OSBPL6: variants seen among roughly 807,000 people sequenced by gnomAD.
OSBPL6 encodes oxysterol binding protein like 6.
Under a neutral mutation model 125.8 loss-of-function variants are expected in OSBPL6, and 49 were observed. That is an observed-to-expected ratio of 0.39 (90% CI 0.31 to 0.49). The LOEUF is 0.49. Among genes scored for constraint, OSBPL6 ranks in the 20% least tolerant of loss-of-function variants. The pLI is 0.88. For synonymous variants in OSBPL6, 394 were observed against 391.8 expected (o/e 1.01, Z -0.07); for missense variants, 986 against 1,135.4 (o/e 0.87, Z 1.89).
intron 1 of OSBPL6, among the ~76,000 whole-genome samples, chr2:178,263,215 A>T (rs576796167): frequency 2.0e-5 from 3 of 152,360 alleles, no homozygotes; most frequent in African/African-American, 7.2e-5. Flanking sequence ...GCAGTGGCTC[A>T]CGCCTGTAAT....
In OSBPL6 at chr2:178,227,405, T is replaced by C. The variant is rs561116819; in HGVS notation, c.-351+32731T>C. On this transcript the variant is annotated intron_variant, in intron 1 of 24. Coordinates refer to ENST00000190611, the MANE Select transcript of OSBPL6 (RefSeq NM_032523.4). ...ATAGTTCTGGCATTATGTCATAGAATTGACCAGTCACATTTCCTGCAACTC... is the reference window on the plus strand; with the variant it reads ...ATAGTTCTGGCATTATGTCATAGAACTGACCAGTCACATTTCCTGCAACTC... Among the ~76,000 whole-genome samples the C allele has an allele frequency of 7.9e-5, 12 of 152,352 alleles. No homozygotes were observed. The South Asian group carries it at 2.5e-3, about 32-fold the overall frequency.
intron 2 of OSBPL6, among the ~76,000 whole-genome samples, chr2:178,288,028 G>T (rs1222673705): frequency 1.3e-5 from 2 of 151,970 alleles, no homozygotes; most frequent in African/African-American, 2.4e-5. Flanking sequence ...AAAAGTGGAA[G>T]AGGAGAAAGA....
chr2:178,200,247 CT>C (rs767677596), intron 1 of OSBPL6, among the ~76,000 whole-genome samples: 1,591 of 109,702 alleles, frequency 0.015, 15 homozygotes, highest in African/African-American at 0.055. Context: ...TTCTTCAGAC[CT>C]TTTTTTTTTT....
intron 13 of OSBPL6, among the ~76,000 whole-genome samples, chr2:178,369,092 C>A (rs1693134099): frequency 6.6e-6 from 1 of 152,192 alleles, no homozygotes; most frequent in Non-Finnish European, 1.5e-5. Context: ...CCACCACACC[C>A]AGCCTTCATC....
intron 8 of OSBPL6, among the ~76,000 whole-genome samples, chr2:178,334,079 A>G (rs1245982744): frequency 6.6e-6 from 1 of 152,190 alleles, no homozygotes; most frequent in Admixed American, 6.5e-5. Flanking sequence ...TGTGTTGATG[A>G]AAAGCAAGAG....
At chr2:178,386,293 T>C in intron 19 of OSBPL6, among the ~76,000 whole-genome samples, 1 of 152,204 alleles carries the variant, frequency 6.6e-6, no homozygotes, top group East Asian at 1.9e-4. Flanking sequence ...GTTCCCATAG[T>C]TCATCAAAAT....
chr2:178,201,251 T>C lies in OSBPL6; in HGVS notation c.-351+6577T>C, dbSNP rs79507806. Reference sequence around the variant, plus strand: ...GGCAATGTTGGGAGTTAGCAGTTTGTAGGCATCTGATTTTCATAGAAGCAA... The same window carrying C: ...GGCAATGTTGGGAGTTAGCAGTTTGCAGGCATCTGATTTTCATAGAAGCAA... On this transcript the variant is annotated intron_variant, in intron 1 of 24. Transcript: ENST00000190611. Among the ~76,000 whole-genome samples the C allele has an allele frequency of 8.6e-3, 1,311 of 152,344 alleles. 31 individuals are homozygous for C. Among genetic ancestry groups the C allele is most frequent in the East Asian group, 0.077 (398 of 5,192 alleles).
At chr2:178,339,260 G>A (rs1394687093) in intron 10 of OSBPL6, among the ~76,000 whole-genome samples, 166 bp downstream of exon 10, 1 of 137,496 alleles carries the variant, frequency 7.3e-6, no homozygotes, top group Non-Finnish European at 1.6e-5. Flanking sequence ...CTCAGTGTCA[G>A]TGTGTTAAGA....
chr2:178,273,280 T>C (rs1398286934), intron 1 of OSBPL6, among the ~76,000 whole-genome samples: 2 of 152,222 alleles, frequency 1.3e-5, no homozygotes, highest in Non-Finnish European at 2.9e-5. Flanking sequence ...CTTTCTCTAA[T>C]TTCAGTATTA....
chr2:178,245,298 G>A (rs1559156467), intron 1 of OSBPL6, among the ~76,000 whole-genome samples: 1 of 152,156 alleles, frequency 6.6e-6, no homozygotes, highest in Non-Finnish European at 1.5e-5. Flanking sequence ...GCAATGATTG[G>A]CAACCTTTTC....
At chr2:178,369,162 C>G (rs911925611) in intron 13 of OSBPL6, among the ~76,000 whole-genome samples, 2 of 152,022 alleles carry the variant, frequency 1.3e-5, no homozygotes, top group Admixed American at 6.6e-5. Flanking sequence ...CTCTTTTTGC[C>G]ATCAATGGAA....
At chr2:178,255,471 A>G (rs2091854488) in intron 1 of OSBPL6, among the ~76,000 whole-genome samples, 1 of 152,222 alleles carries the variant, frequency 6.6e-6, no homozygotes, top group Non-Finnish European at 1.5e-5. Context: ...GGTCTCTCCC[A>G]TGACACATGG....
rs1694723813 is a variant in OSBPL6, at chr2:178,384,052, C to T, written c.1889C>T (p.Ala630Val). 1 of 1,613,744 alleles carries T rather than the reference C, an allele frequency of 6.2e-7. No individual in the cohort carries two copies. Among genetic ancestry groups the T allele is most frequent in the Non-Finnish European group, 8.5e-7 (1 of 1,179,788 alleles). The change falls in exon 18 of 25, where the codon GCA becomes GTA. Residue 630 changes from alanine to valine, a missense_variant. By Grantham distance (64) the Ala-to-Val change is moderately conservative (BLOSUM62 0). Coordinates refer to ENST00000190611, the MANE Select transcript of OSBPL6 (RefSeq NM_032523.4). Reference protein sequence around the residue: ...DPYERMVLVAAFAVSGYCSTY... With the variant: ...DPYERMVLVAVFAVSGYCSTY... ...ATGTTTTAACAGGTTCTCGTTGCCGCATTTGCAGTTTCAGGATACTGCTCC... is the reference window on the plus strand; with the variant it reads ...ATGTTTTAACAGGTTCTCGTTGCCGTATTTGCAGTTTCAGGATACTGCTCC...
chr2:178,250,620 C>T (rs915411158), intron 1 of OSBPL6, among the ~76,000 whole-genome samples: 6 of 152,196 alleles, frequency 3.9e-5, no homozygotes, highest in Non-Finnish European at 4.4e-5. Context: ...CTCAGGGCTT[C>T]TGCACCGGCT....
chr2:178,394,313 A>C lies in OSBPL6; in HGVS notation c.2574A>C (p.Arg858Ser). 2 of 1,611,702 alleles carry C rather than the reference A, an allele frequency of 1.2e-6. No homozygotes were observed. Among genetic ancestry groups the C allele is most frequent in the Non-Finnish European group, 1.7e-6 (2 of 1,179,468 alleles). ...AAAATATCAACTGCTTTCTGCTTAG[A>C]TTTTTGGAAGAAGGAAATTTAGAAG... ...PTDARFRPDQ[R>S]FLEEGNLEAA... Residue 858 changes from arginine (R) to serine (S), a missense_variant and splice_region_variant, in exon 24 of 25, where the codon AGA becomes AGC. Transcript: ENST00000190611.
At chr2:178,342,601 G>A (rs1486133347) in intron 11 of OSBPL6, among the ~76,000 whole-genome samples, 1 of 152,158 alleles carries the variant, frequency 6.6e-6, no homozygotes, top group African/African-American at 2.4e-5. Context: ...AGAGGGTTCT[G>A]TGGAGATTAC....
intron 2 of OSBPL6, among the ~76,000 whole-genome samples, chr2:178,302,641 AT>A (rs904515907): frequency 1.3e-5 from 2 of 152,194 alleles, no homozygotes; most frequent in African/African-American, 4.8e-5. Flanking sequence ...CTCAAAAACA[AT>A]TCTTGGAATG....
chr2:178,201,404 G>A (rs1212349615), intron 1 of OSBPL6, among the ~76,000 whole-genome samples: 1 of 151,936 alleles, frequency 6.6e-6, no homozygotes, highest in Non-Finnish European at 1.5e-5. Flanking sequence ...TATTTGAGAT[G>A]AGGGTCTCAC....
At chr2:178,304,669 A>G (rs1305820562) in intron 2 of OSBPL6, among the ~76,000 whole-genome samples, 6 of 152,184 alleles carry the variant, frequency 3.9e-5, no homozygotes, top group South Asian at 4.1e-4. Flanking sequence ...TCACTTCCCA[A>G]TACTGTTGCG....
Sources: allele counts gnomAD v4.1 joint callset (sites outside exome capture counted in the v4.1 genomes callset), GRCh38; gene constraint gnomAD v4.1.1; transcripts MANE v1.5; gene names NCBI Gene and HGNC (gene_info 2026-07-23, HGNC 2026-07-21).